The following ARHGEF11 variants were observed in gnomAD, a reference collection of about 807,000 sequenced individuals.
ARHGEF11 encodes Rho guanine exchange factor (GEF) 11.
In ARHGEF11, 55 loss-of-function variants were observed where a neutral mutation model predicts 193.7. That is an observed-to-expected ratio of 0.28 (90% confidence interval 0.23 to 0.36). The LOEUF is 0.36. Among genes scored for constraint, ARHGEF11 ranks in the 10% least tolerant of loss-of-function variants. The probability of loss-of-function intolerance (pLI) is 1.00; values close to 1 mark genes in which losing one functional copy is unlikely to be tolerated. For missense variants in ARHGEF11, 1,723 were observed against 2,005.6 expected (o/e 0.86, Z 2.69); for synonymous variants, 693 against 768.0 (o/e 0.90, Z 1.62).
At chr1:156,989,942 G>C (rs769239030) in intron 1 of ARHGEF11, among the ~76,000 whole-genome samples, 3 of 152,026 alleles carry the variant, frequency 2.0e-5, no homozygotes, top group Admixed American at 6.5e-5. Context: ...TATCCCCTAA[G>C]AGCATTGAAA....
intron 13 of ARHGEF11, among the ~76,000 whole-genome samples, chr1:156,962,878 C>CA (rs59159449): frequency 0.094 from 2,006 of 21,230 alleles, 486 homozygotes; most frequent in African/African-American, 0.15. Flanking sequence ...GACTCCGTCT[C>CA]AAAAAAAAAA....
At chr1:156,959,471 T>C (rs114015004) in intron 15 of ARHGEF11, among the ~76,000 whole-genome samples, 2,458 of 152,302 alleles carry the variant, frequency 0.016, 74 homozygotes, top group African/African-American at 0.057. Flanking sequence ...TCTGAGAGGC[T>C]TGTTCCCCTC....
intron 1 of ARHGEF11, among the ~76,000 whole-genome samples, chr1:157,015,172 T>A (rs1166832904): frequency 1.3e-5 from 2 of 152,198 alleles, no homozygotes; most frequent in Non-Finnish European, 2.9e-5. Flanking sequence ...AAATTGTCTA[T>A]GCTTCTCATT....
At chr1:156,991,545 C>T (rs1665698820) in intron 1 of ARHGEF11, among the ~76,000 whole-genome samples, 1 of 152,048 alleles carries the variant, frequency 6.6e-6, no homozygotes, top group Non-Finnish European at 1.5e-5. Context: ...GTCTAGAACT[C>T]CTGGGCTCAA....
chr1:156,957,214 T>G (rs1174786605), intron 18 of ARHGEF11, among the ~76,000 whole-genome samples: 1 of 152,228 alleles, frequency 6.6e-6, no homozygotes. Context: ...CAGCTCTGTC[T>G]GTATTTCCCT....
chr1:157,005,986 TG>T (rs1667773370), intron 1 of ARHGEF11, among the ~76,000 whole-genome samples: 1 of 152,224 alleles, frequency 6.6e-6, no homozygotes, highest in Non-Finnish European at 1.5e-5. Context: ...GCCAGTTGGA[TG>T]AAAAACATGT....
chr1:156,981,780 A>G (rs1664217140), intron 3 of ARHGEF11, among the ~76,000 whole-genome samples: 1 of 152,226 alleles, frequency 6.6e-6, no homozygotes, highest in Non-Finnish European at 1.5e-5. Context: ...CAGCCTCACA[A>G]GATAGTTTTA....
At chr1:156,945,843 C>T in intron 29 of ARHGEF11, 1 of 514,222 alleles carries the variant, frequency 1.9e-6, no homozygotes, top group Non-Finnish European at 3.5e-6. Context: ...GTGGCCCCTA[C>T]TCCTCCCACT....
intron 36 of ARHGEF11, 52 bp from the exon 37 acceptor site, chr1:156,939,962 C>T (rs766715716): frequency 6.3e-7 from 1 of 1,582,450 alleles, no homozygotes; most frequent in East Asian, 2.2e-5. Flanking sequence ...CACACCACGC[C>T]AGAAGGATCG....
intron 40 of ARHGEF11, 179 bp from the exon 41 acceptor site, chr1:156,936,237 C>T (rs749794360): frequency 3.8e-6 from 3 of 782,442 alleles, no homozygotes; most frequent in African/African-American, 3.4e-5. Flanking sequence ...CTTTCATCAG[C>T]GCCTAAAGCC....
chr1:156,937,437 C>A lies in ARHGEF11; in HGVS notation c.4252G>T (p.Glu1418Ter). 6.4e-7 allele frequency: 1 copy of A among 1,569,580 alleles called. No homozygotes were observed. The highest frequency in any genetic ancestry group is 8.6e-7 in the Non-Finnish European group (1 of 1,160,656). Residue 1418 changes from glutamate to a stop codon, truncating the protein, a stop_gained, in exon 39 of 41, where the codon GAG (glutamate) becomes TAG (stop). Transcript: ENST00000368194. LOFTEE classifies it high-confidence loss of function. Reference protein sequence around the residue: ...GPPDSSTDHSEAPMSPPQPDS... With the variant: ...GPPDSSTDHS ...GGCTGAGGGGGGCTCATGGGTGCCT[C>A]TGAGTGGTCGGTGCTTGAGTCCGGG...
chr1:156,963,307 G>A lies in ARHGEF11; in HGVS notation c.1039-3C>T, dbSNP rs747263651. 5 of 1,613,298 alleles carry A rather than the reference G, an allele frequency of 3.1e-6. No individual in the cohort carries two copies. In the East Asian group the frequency reaches 1.1e-4, roughly 36 times the overall value. On this transcript the variant is annotated splice_region_variant and splice_polypyrimidine_tract_variant and intron_variant, in intron 12 of 40. Coordinates refer to ENST00000368194, the MANE Select transcript of ARHGEF11 (RefSeq NM_198236.3). ...AGATCCTGGAATATGATGTCGCTCT[G>A]GAAGGCAGAAGGATGAGCATGGTGG... is the stretch of plus-strand genomic sequence containing the variant.
chr1:157,002,108 C>A (rs1667278837), intron 1 of ARHGEF11, among the ~76,000 whole-genome samples: 1 of 152,166 alleles, frequency 6.6e-6, no homozygotes, highest in African/African-American at 2.4e-5. Flanking sequence ...GTGGTCCCTG[C>A]AGTTCCTTTC....
In ARHGEF11 at chr1:156,986,121, A is replaced by C; in HGVS notation, c.85T>G (p.Ser29Ala). 6.2e-7 allele frequency: 1 copy of C among 1,613,986 alleles called. No individual in the cohort carries two copies. Among genetic ancestry groups the C allele is most frequent in the Non-Finnish European group, 8.5e-7 (1 of 1,179,918 alleles). ...GCATCCGAAGGCTGGCGATGGTGGG[A>C]AGGGGACTTGCGCTCTGGTGCAGAA... Reference protein sequence around the residue: ...GDSAPERKSPSHHRQPSDASE... With the variant: ...GDSAPERKSPAHHRQPSDASE... The change falls in exon 2 of 41, where the codon TCC becomes GCC. Residue 29 changes from serine (S) to alanine (A), a missense_variant. By Grantham distance (99) the Ser-to-Ala change is moderately conservative. This residue lies in a region of ARHGEF11 where 646 missense variants were observed against 710.7 expected (regional missense o/e 0.91). Coordinates refer to ENST00000368194, the MANE Select transcript of ARHGEF11 (RefSeq NM_198236.3).
In ARHGEF11 at chr1:156,951,625, T is replaced by C. The variant is rs1278628020; in HGVS notation, c.1873A>G (p.Thr625Ala). The C allele has an allele frequency of 1.2e-6, 2 of 1,614,066 alleles. No homozygotes were observed. Among genetic ancestry groups the C allele is most frequent in the Non-Finnish European group, 1.7e-6 (2 of 1,180,028 alleles). The stretch of plus-strand genomic sequence containing the variant: ...AAGCTTCCGGTCGAGAGTCGTTGTG[T>C]CCCAGGTTCTGGGGCATCATACTGC... ...NQQYDAPEPG[T>A]QRLSTGSFPE... Residue 625 changes from threonine to alanine, a missense_variant, in exon 22 of 41, where the codon ACA (threonine) becomes GCA (alanine). This residue lies in a region of ARHGEF11 where 491 missense variants were observed against 654.5 expected (regional missense o/e 0.75). Coordinates refer to ENST00000368194, the MANE Select transcript of ARHGEF11 (RefSeq NM_198236.3).
At chr1:157,041,288 T>C (rs980288698) in intron 1 of ARHGEF11, among the ~76,000 whole-genome samples, 1 of 152,182 alleles carries the variant, frequency 6.6e-6, no homozygotes, top group African/African-American at 2.4e-5. Flanking sequence ...TATATATTAA[T>C]GGGCAGTAAG....
chr1:157,028,991 C>A (rs1016849900), intron 1 of ARHGEF11, among the ~76,000 whole-genome samples: 6 of 151,682 alleles, frequency 4.0e-5, no homozygotes, highest in African/African-American at 7.3e-5. Flanking sequence ...AATGGTAAAA[C>A]CCCATCTCTA....
At chr1:156,947,499 A>T (rs1009067738) in intron 25 of ARHGEF11, 49 bp from the exon 26 acceptor site, 2 of 1,516,132 alleles carry the variant, frequency 1.3e-6, no homozygotes, top group Non-Finnish European at 8.8e-7. Context: ...GAGAAAACGG[A>T]TCAGCAAGTA....
chr1:156,985,838 C>A, intron 2 of ARHGEF11: 1 of 381,616 alleles, frequency 2.6e-6, no homozygotes, highest in South Asian at 3.2e-5. Context: ...CATGGGTGTT[C>A]TGACCTGCTC....
Sources: allele counts gnomAD v4.1 joint callset (sites outside exome capture counted in the v4.1 genomes callset), GRCh38; gene constraint gnomAD v4.1.1; regional missense constraint gnomAD v4.1.1; transcripts MANE v1.5; gene names NCBI Gene and HGNC (gene_info 2026-07-23, HGNC 2026-07-21).